The following SEC24A variants were observed in gnomAD, a reference collection of about 807,000 sequenced individuals.
SEC24A encodes protein transport protein Sec24A.
SEC24A carries 93 observed loss-of-function variants against 129.4 expected under a neutral mutation model. The ratio of observed to expected loss-of-function variants is 0.72; its 90% CI spans 0.61 to 0.85. The LOEUF (loss-of-function observed/expected upper bound fraction) is 0.85, where lower values mean the gene tolerates loss of function less well. SEC24A is among the 40% of genes least tolerant of loss of function. The pLI is 0.00. For synonymous variants in SEC24A, 460 were observed against 467.3 expected, an observed-to-expected ratio of 0.98 and a Z score of 0.20; for missense variants, 1,264 against 1,307.4, an observed-to-expected ratio of 0.97 and a Z score of 0.51.
chr5:134,700,096 T>C (rs1263669072), intron 15 of SEC24A, among the ~76,000 whole-genome samples: 2 of 152,034 alleles, frequency 1.3e-5, no homozygotes, highest in African/African-American at 4.8e-5. Flanking sequence ...GCTGCACAAA[T>C]TGAGTTTTTA....
intron 1 of SEC24A, among the ~76,000 whole-genome samples, chr5:134,650,756 G>A (rs902018556): frequency 2.0e-5 from 3 of 151,174 alleles, no homozygotes; most frequent in East Asian, 3.9e-4. Flanking sequence ...CATTTCTACA[G>A]GGTTTTTTGT....
intron 18 of SEC24A, among the ~76,000 whole-genome samples, chr5:134,714,431 A>T (rs1181857372): frequency 1.3e-5 from 2 of 152,200 alleles, no homozygotes; most frequent in East Asian, 3.8e-4. Flanking sequence ...TCAGATTCTC[A>T]TAGGAGCGCC....
intron 16 of SEC24A, among the ~76,000 whole-genome samples, chr5:134,705,090 A>ATATATATTTTTTTT (rs1180461537): frequency 8.1e-6 from 1 of 123,306 alleles, no homozygotes; most frequent in African/African-American, 3.0e-5. Context: ...ATATATATAT[A>ATATATATTTTTTTT]TTTTTTTTTT....
rs190707023 is a variant in SEC24A at position 134,704,331 on chromosome 5, G to A, written c.2440+399G>A. On this transcript the variant is annotated intron_variant, in intron 16 of 22. Transcript: ENST00000398844. Reference sequence around the variant, plus strand: ...GATCTGCCCGCCTCTGCCTCCCAACGTGCTGGGATTACAGGCATGAGCCAC... The same window carrying A: ...GATCTGCCCGCCTCTGCCTCCCAACATGCTGGGATTACAGGCATGAGCCAC... 6.9e-3 allele frequency among the ~76,000 whole-genome samples: 1,050 copies of A among 152,180 alleles called. 9 individuals carry two copies. The highest frequency in any genetic ancestry group is 0.024 in the African/African-American group (993 of 41,520).
chr5:134,671,977 A>AG (rs1249206737), intron 4 of SEC24A, 91 bp downstream of exon 4: 16 of 780,726 alleles, frequency 2.0e-5, no homozygotes, highest in Admixed American at 4.8e-5. Context: ...GGAAACTAAG[A>AG]GGGAAACTTC....
At chr5:134,652,222 G>A (rs771376443) in intron 1 of SEC24A, among the ~76,000 whole-genome samples, 31 of 149,088 alleles carry the variant, frequency 2.1e-4, no homozygotes, top group Non-Finnish European at 3.9e-4. Flanking sequence ...GCGCCTGGCC[G>A]AAAAGTCTTA....
At chr5:134,697,045 TG>T in intron 13 of SEC24A, 80 bp from the exon 14 acceptor site, 1 of 753,326 alleles carries the variant, frequency 1.3e-6, no homozygotes, top group Non-Finnish European at 2.1e-6. Context: ...GTTAACATCA[TG>T]ATGTATGTAG....
chr5:134,667,360 C>T (rs554495966), intron 3 of SEC24A, among the ~76,000 whole-genome samples: 48 of 151,964 alleles, frequency 3.2e-4, no homozygotes, highest in Non-Finnish European at 5.7e-4. Flanking sequence ...TCATTCAAGA[C>T]GTATTTTGAG....
chr5:134,707,354 G>T (rs999561716), intron 17 of SEC24A, among the ~76,000 whole-genome samples: 1 of 151,256 alleles, frequency 6.6e-6, no homozygotes, highest in African/African-American at 2.4e-5. Flanking sequence ...TTTTGAGGTG[G>T]AGTCTCACTC....
At chr5:134,696,501 CATAT>C (rs547301133) in intron 13 of SEC24A, among the ~76,000 whole-genome samples, 1 of 151,624 alleles carries the variant, frequency 6.6e-6, no homozygotes, top group Non-Finnish European at 1.5e-5. Context: ...TTTTAAAAAA[CATAT>C]ATATATTTTT....
At chr5:134,715,688 G>A (rs1012854621) in intron 19 of SEC24A, 4 of 153,362 alleles carry the variant, frequency 2.6e-5, no homozygotes, top group Non-Finnish European at 5.8e-5. Flanking sequence ...GTCCTGTCAG[G>A]GGGTGGGGAC....
At chr5:134,654,860 G>A (rs1374194446) in intron 1 of SEC24A, among the ~76,000 whole-genome samples, 1 of 152,130 alleles carries the variant, frequency 6.6e-6, no homozygotes, top group African/African-American at 2.4e-5. Flanking sequence ...GGGATTACAG[G>A]TGTGCGTCAC....
rs988036545 is a variant in SEC24A at position 134,661,135 on chromosome 5, A to G, written c.114A>G (p.Ala38=). 1.9e-5 allele frequency: 30 copies of G among 1,606,934 alleles called. No individual in the cohort carries two copies. The highest frequency in any genetic ancestry group is 2.4e-5 in the Non-Finnish European group (28 of 1,176,614). ...SPYTNGPVQN[A]LLSSQESVSQ... Reference sequence around the variant, plus strand: ...TATTGGAAGGTCCTGTCCAAAATGCATTGCTGTCTTCACAAGAGTCAGTGA... The same window carrying G: ...TATTGGAAGGTCCTGTCCAAAATGCGTTGCTGTCTTCACAAGAGTCAGTGA... Residue 38 remains alanine (A), a synonymous_variant, in exon 2 of 23, where the codon GCA becomes GCG. Transcript: ENST00000398844.
intron 12 of SEC24A, chr5:134,693,394 A>G (rs1751722001): frequency 7.4e-7 from 1 of 1,360,346 alleles, no homozygotes; most frequent in Non-Finnish European, 9.5e-7. Context: ...TAAAGTATGT[A>G]GAGGTGATGG....
chr5:134,709,960 C>T (rs1048916718), intron 18 of SEC24A, among the ~76,000 whole-genome samples: 7 of 152,086 alleles, frequency 4.6e-5, no homozygotes, highest in African/African-American at 1.7e-4. Flanking sequence ...AGTGCAGTAG[C>T]ACGATCTTGG....
chr5:134,649,209 A>G (rs981878146), intron 1 of SEC24A, 36 bp downstream of exon 1: 7 of 1,473,446 alleles, frequency 4.8e-6, no homozygotes, highest in Middle Eastern at 1.7e-4. Flanking sequence ...CAGCCTGGCC[A>G]GGGCTGACTG....
Position 134,661,380 on chromosome 5 carries a change from C to T in SEC24A, c.359C>T (p.Pro120Leu), listed in dbSNP as rs768329268. Residue 120 changes from proline to leucine, a missense_variant, in exon 2 of 23, where the codon CCA becomes CTA. Transcript: ENST00000398844. ...GCTTCTCAGAACCCAGCTACTACACCAATGCCTTCTAGTAGCTTTCTTCCT... is the reference window on the plus strand; with the variant it reads ...GCTTCTCAGAACCCAGCTACTACACTAATGCCTTCTAGTAGCTTTCTTCCT... ...LPASQNPATT[P>L]MPSSSFLPEA... 3 of 1,614,186 alleles carry T rather than the reference C, an allele frequency of 1.9e-6. No individual in the cohort carries two copies. The highest frequency in any genetic ancestry group is 8.5e-7 in the Non-Finnish European group (1 of 1,180,018).
rs1054207753 is a variant in SEC24A, at chr5:134,673,862, C to T, written c.818-753C>T. Among the ~76,000 whole-genome samples the T allele has an allele frequency of 5.9e-5, 9 of 152,062 alleles. No homozygotes were observed. The South Asian group carries it at 8.3e-4, about 14-fold the overall frequency. ...CATTAACAAGATTTTTGGCCGGGCA[C>T]GGTGGCTCATGGCCTGTAATCCTAT... is the stretch of plus-strand genomic sequence containing the variant. On this transcript the variant is annotated intron_variant, in intron 4 of 22. Coordinates refer to ENST00000398844, the MANE Select transcript of SEC24A (RefSeq NM_021982.3).
chr5:134,689,777 A>C (rs891165186), intron 11 of SEC24A, among the ~76,000 whole-genome samples: 2 of 152,072 alleles, frequency 1.3e-5, no homozygotes, highest in South Asian at 2.1e-4. Flanking sequence ...AAAAAAAAAA[A>C]AAACGTATAA....
Sources: allele counts gnomAD v4.1 joint callset (sites outside exome capture counted in the v4.1 genomes callset), GRCh38; gene constraint gnomAD v4.1.1; transcripts MANE v1.5; gene names NCBI Gene and HGNC (gene_info 2026-07-23, HGNC 2026-07-21).